The following ZC3H11A variants were observed in gnomAD, a reference collection of about 807,000 sequenced individuals.
The protein encoded by ZC3H11A is zinc finger CCCH-type containing 11A, also known as zinc finger CCCH domain-containing protein 11A.
In ZC3H11A, 22 loss-of-function variants were observed where a neutral mutation model predicts 90.8. That is an observed-to-expected ratio of 0.24 (90% confidence interval 0.17 to 0.35). The LOEUF (loss-of-function observed/expected upper bound fraction) is 0.35. ZC3H11A is among the 10% of genes least tolerant of loss of function. The pLI is 1.00. For synonymous variants in ZC3H11A, 294 were observed against 339.8 expected, an observed-to-expected ratio of 0.87 and a Z score of 1.48; for missense variants, 701 against 964.9, an observed-to-expected ratio of 0.73 and a Z score of 3.62.
At chr1:203,834,582 T>A (rs1683608315) in intron 10 of ZC3H11A, among the ~76,000 whole-genome samples, 1 of 152,154 alleles carries the variant, frequency 6.6e-6, no homozygotes, top group Admixed American at 6.5e-5. Context: ...GCTATTTTAT[T>A]TTTGGGGGAG....
At chr1:203,816,431 CTGAACAA>C (rs1676397677) in intron 2 of ZC3H11A, among the ~76,000 whole-genome samples, 1 of 152,072 alleles carries the variant, frequency 6.6e-6, no homozygotes, top group African/African-American at 2.4e-5. Context: ...CAAGACCAGA[CTGAACAA>C]CATAGCAAGA....
At chr1:203,797,097 TA>T (rs1482951177) in intron 1 of ZC3H11A, 1 of 154,154 alleles carries the variant, frequency 6.5e-6, no homozygotes, top group Non-Finnish European at 1.4e-5. Context: ...TGAGGCATCA[TA>T]AAAATATGTA....
chr1:203,841,771 C>T (rs1317137136), intron 12 of ZC3H11A, among the ~76,000 whole-genome samples: 10 of 145,896 alleles, frequency 6.9e-5, no homozygotes, highest in Admixed American at 2.0e-4. Flanking sequence ...GGGCAGTGGC[C>T]GGGTGGAGGC....
chr1:203,805,955 C>T (rs1672181366), intron 2 of ZC3H11A: 2 of 622,906 alleles, frequency 3.2e-6, no homozygotes, highest in Admixed American at 1.9e-5. Context: ...ATAGCATCAA[C>T]CGTGGTCTTG....
Position 203,798,155 on chromosome 1 carries a change from C to G in ZC3H11A, c.-1588+2361C>G, listed in dbSNP as rs558694492. Reference sequence around the variant, plus strand: ...TGTCTTTATCTCCCTCTTCTGGAAGCAATGGAAGCTTTGAATATATTCCTA... The same window carrying G: ...TGTCTTTATCTCCCTCTTCTGGAAGGAATGGAAGCTTTGAATATATTCCTA... On this transcript the variant is annotated intron_variant, in intron 1 of 17. Transcript: ENST00000367210. 16 of 1,536,096 alleles carry G rather than the reference C, an allele frequency of 1.0e-5. No homozygotes were observed. The South Asian group carries it at 1.9e-4, about 18-fold the overall frequency.
At chr1:203,811,056 G>A (rs1157112073) in intron 2 of ZC3H11A, among the ~76,000 whole-genome samples, 2 of 150,958 alleles carry the variant, frequency 1.3e-5, no homozygotes, top group East Asian at 1.9e-4. Context: ...CAAGAGAATC[G>A]CTTGAAACCA....
intron 11 of ZC3H11A, 41 bp downstream of exon 11, chr1:203,838,105 T>C (rs12078328): frequency 0.14 from 214,308 of 1,561,330 alleles, 15,558 homozygotes; most frequent in Non-Finnish European, 0.15. Flanking sequence ...TATGTAATTA[T>C]GACACTTGTG....
intron 5 of ZC3H11A, 180 bp from the exon 6 acceptor site, chr1:203,829,271 A>G (rs1478108479): frequency 4.8e-6 from 3 of 630,408 alleles, no homozygotes; most frequent in South Asian, 2.0e-5. Flanking sequence ...GAGTTAGTGG[A>G]GAGTTAATTA....
chr1:203,828,903 T>C (rs1681397292), intron 5 of ZC3H11A, among the ~76,000 whole-genome samples: 1 of 152,240 alleles, frequency 6.6e-6, no homozygotes, highest in Admixed American at 6.5e-5. Flanking sequence ...TTGCCAACCC[T>C]ACTCTAGACT....
rs979249597 is a variant in ZC3H11A, at chr1:203,800,488, C to T, written c.-1587-1087C>T. 6.2e-6 allele frequency: 9 copies of T among 1,458,292 alleles called. No homozygotes were observed. The African/African-American group carries it at 1.3e-4, about 21-fold the overall frequency. The allele number at this position is 1,458,292 out of a possible 1,614,324, so 90.3% of individuals were successfully genotyped here. ...TTTCTTTTTCTCCATTTAAAATGGG[C>T]AACTTTTTGCTGTGTTACTGTATCT... is the stretch of plus-strand genomic sequence containing the variant. On this transcript the variant is annotated intron_variant, in intron 1 of 17. Coordinates refer to ENST00000367210, the MANE Select transcript of ZC3H11A (RefSeq NM_001376342.1).
chr1:203,809,081 C>T (rs1183268052), intron 2 of ZC3H11A, among the ~76,000 whole-genome samples: 5 of 151,860 alleles, frequency 3.3e-5, no homozygotes, highest in African/African-American at 4.8e-5. Context: ...CCACCTGTCT[C>T]GGCCTCCCAA....
At chr1:203,833,888 A>G (rs6694647) in intron 10 of ZC3H11A, 35 bp downstream of exon 10, 1,578,298 of 1,584,264 alleles carry the variant, frequency 1, 786,369 homozygotes, top group East Asian at 1. Context: ...TTTCTTTTCT[A>G]CTTGTTTGTG....
chr1:203,808,415 T>C (rs530002934), intron 2 of ZC3H11A, among the ~76,000 whole-genome samples: 1 of 152,342 alleles, frequency 6.6e-6, no homozygotes, highest in Admixed American at 6.5e-5. Context: ...TGTCTGTGTA[T>C]AGCAGAGATG....
intron 11 of ZC3H11A, among the ~76,000 whole-genome samples, chr1:203,838,884 C>T (rs1408468458): frequency 1.4e-5 from 2 of 141,562 alleles, no homozygotes; most frequent in African/African-American, 5.4e-5. Context: ...ACCTGGAAGG[C>T]GGAGGTTACA....
intron 17 of ZC3H11A, 110 bp from the exon 18 acceptor site, chr1:203,852,031 A>T: frequency 1.6e-6 from 1 of 640,094 alleles, no homozygotes; most frequent in Non-Finnish European, 2.6e-6. Context: ...TTATTTCTTT[A>T]TGTATGTTCT....
At chr1:203,831,980 C>G (rs1682527045) in intron 9 of ZC3H11A, among the ~76,000 whole-genome samples, 2 of 152,150 alleles carry the variant, frequency 1.3e-5, no homozygotes, top group African/African-American at 4.8e-5. Context: ...ATATATTTTT[C>G]CATTTACTGT....
At chr1:203,851,004 C>T (rs1205643466) in intron 16 of ZC3H11A, 53 bp from the exon 17 acceptor site, 3 of 1,586,546 alleles carry the variant, frequency 1.9e-6, no homozygotes, top group Non-Finnish European at 2.6e-6. Flanking sequence ...AATGAATATG[C>T]TCAAATTAAA....
chr1:203,827,901 C>T (rs747770035), intron 4 of ZC3H11A, among the ~76,000 whole-genome samples: 38 of 152,212 alleles, frequency 2.5e-4, no homozygotes, highest in South Asian at 1.2e-3. Flanking sequence ...CATTTATTCC[C>T]GTTTTATAGC....
intron 17 of ZC3H11A, 59 bp downstream of exon 17, chr1:203,851,183 C>T: frequency 6.7e-7 from 1 of 1,481,490 alleles, no homozygotes; most frequent in Non-Finnish European, 9.4e-7. Context: ...TTTAGGCTCT[C>T]TAGAGAATAA....
Sources: gnomAD v4.1 joint callset for allele counts (sites outside exome capture counted in the v4.1 genomes callset) on GRCh38, gnomAD v4.1.1 for gene constraint, MANE v1.5 for transcripts, NCBI Gene and HGNC (gene_info 2026-07-23, HGNC 2026-07-21) for gene names.